Variants in NICOL1 observed in about 807,000 individuals in gnomAD.
NICOL1 encodes NELL2-interacting cell ontogeny regulator 1.
chr4:2,039,779 G>T, the NICOL1 span, among the ~76,000 whole-genome samples: 7,733 of 152,152 alleles, frequency 0.051, 361 homozygotes, highest in African/African-American at 0.12. Flanking sequence ...GGTGGAGGTC[G>T]CAGTGAGCCT....
the NICOL1 span, chr4:2,043,916 C>A: frequency 6.5e-7 from 1 of 1,548,600 alleles, no homozygotes; most frequent in Non-Finnish European, 8.7e-7. Context: ...TGCTGGCCAG[C>A]GGGGCACTGA....
the NICOL1 span, chr4:2,042,304 C>T: frequency 2.0e-5 from 14 of 713,352 alleles, no homozygotes; most frequent in Admixed American, 6.1e-4. Context: ...GGGCGGGCGC[C>T]GCTGACCCCT....
the NICOL1 span, chr4:2,042,524 C>T: frequency 4.7e-6 from 2 of 426,858 alleles, no homozygotes; most frequent in Admixed American, 4.4e-5. Context: ...CGGGGCGGGG[C>T]TGGCGACAGG....
chr4:2,042,796 G>A, the NICOL1 span: 1 of 1,515,626 alleles, frequency 6.6e-7, no homozygotes, highest in South Asian at 1.2e-5. Context: ...CAGGACCTGC[G>A]GAAGACAGCC....
chr4:2,041,856 G>C, the NICOL1 span: 3 of 919,340 alleles, frequency 3.3e-6, no homozygotes. Context: ...GCTGCTCCCG[G>C]GGGCAGCCCC....
At chr4:2,042,316 G>C in the NICOL1 span, 1 of 648,522 alleles carries the variant, frequency 1.5e-6, no homozygotes, top group Non-Finnish European at 2.3e-6. Flanking sequence ...CTGACCCCTC[G>C]CTGGCTTCAG....
At chr4:2,040,818 C>T in the NICOL1 span, among the ~76,000 whole-genome samples, 1 of 152,148 alleles carries the variant, frequency 6.6e-6, no homozygotes, top group Non-Finnish European at 1.5e-5. Context: ...GAGGCAGCGG[C>T]AGTCACGGGC....
the NICOL1 span, chr4:2,041,774 G>T: frequency 2.1e-6 from 1 of 466,748 alleles, no homozygotes; most frequent in Non-Finnish European, 3.7e-6. Context: ...CCGGCCTTGC[G>T]CTCTGGAGGT....
chr4:2,043,747 G>A, the NICOL1 span: 1 of 807,070 alleles, frequency 1.2e-6, no homozygotes, highest in Non-Finnish European at 2.0e-6. Context: ...GCCAGGGCCT[G>A]ACCTTGTCTG....
the NICOL1 span, among the ~76,000 whole-genome samples, chr4:2,040,400 C>T: frequency 6.6e-6 from 1 of 152,210 alleles, no homozygotes; most frequent in Non-Finnish European, 1.5e-5. Flanking sequence ...GTGGGCGCGA[C>T]TGTCCGTGGG....
chr4:2,041,706 C>G, the NICOL1 span: 1 of 372,118 alleles, frequency 2.7e-6, no homozygotes, highest in Non-Finnish European at 4.8e-6. Flanking sequence ...CCCTCAGGAT[C>G]GCTCCTGACC....
chr4:2,041,841 T>G, the NICOL1 span: 2 of 779,402 alleles, frequency 2.6e-6, no homozygotes, highest in Non-Finnish European at 3.7e-6. Flanking sequence ...GCCATGGGCC[T>G]GGACGCTGCT....
the NICOL1 span, chr4:2,042,949 G>A: frequency 3.2e-6 from 2 of 616,586 alleles, no homozygotes; most frequent in South Asian, 4.6e-5. Context: ...TTAAGATGCC[G>A]CACCTTGCCC....
chr4:2,042,118 C>A, the NICOL1 span: 1 of 1,479,566 alleles, frequency 6.8e-7, no homozygotes, highest in South Asian at 1.3e-5. Flanking sequence ...AGATACGGGG[C>A]GCGGACTAGA....
At chr4:2,042,695 C>A in the NICOL1 span, 1 of 1,216,378 alleles carries the variant, frequency 8.2e-7, no homozygotes, top group Non-Finnish European at 1.1e-6. Flanking sequence ...TGCGGGTGAC[C>A]CCCCCTGCGC....
the NICOL1 span, among the ~76,000 whole-genome samples, chr4:2,041,061 G>C: frequency 1.3e-5 from 2 of 151,750 alleles, no homozygotes; most frequent in South Asian, 4.1e-4. Context: ...TCCAGGTAGG[G>C]GTGCGGCTCC....
chr4:2,038,277 A>G, the NICOL1 span, among the ~76,000 whole-genome samples: 1 of 107,714 alleles, frequency 9.3e-6, no homozygotes, highest in Non-Finnish European at 1.9e-5. Context: ...ATATATATAT[A>G]TATATATAAA....
chr4:2,042,232 G>T, the NICOL1 span: 1 of 1,314,302 alleles, frequency 7.6e-7, no homozygotes, highest in Non-Finnish European at 9.8e-7. Context: ...CAGGCCTGGG[G>T]CTTGGACAAG....
the NICOL1 span, chr4:2,043,884 A>G: frequency 6.5e-7 from 1 of 1,549,776 alleles, no homozygotes; most frequent in South Asian, 1.2e-5. Flanking sequence ...TGCTGCAGGC[A>G]GAGCGCCGTG....
Sources: allele counts gnomAD v4.1 joint callset (sites outside exome capture counted in the v4.1 genomes callset), GRCh38; gene constraint gnomAD v4.1.1; transcripts MANE v1.5; gene names NCBI Gene and HGNC (gene_info 2026-07-23, HGNC 2026-07-21).